Variants in COL27A1 observed in about 807,000 individuals in gnomAD.
COL27A1 encodes collagen alpha-1(XXVII) chain.
In COL27A1, 106 loss-of-function variants were observed where a neutral mutation model predicts 251.3. The ratio of observed to expected loss-of-function variants is 0.42; its 90% CI spans 0.36 to 0.50. The LOEUF (loss-of-function observed/expected upper bound fraction) is 0.50. Among genes scored for constraint, COL27A1 ranks in the 20% least tolerant of loss-of-function variants. The pLI is 0.00. For missense variants in COL27A1, 2,325 were observed against 2,522.8 expected (o/e 0.92, Z 1.68); for synonymous variants, 1,000 against 986.3 (o/e 1.01, Z -0.26).
intron 23 of COL27A1, among the ~76,000 whole-genome samples, chr9:114,244,644 C>G (rs1832988434): frequency 6.6e-6 from 1 of 152,206 alleles, no homozygotes; most frequent in Non-Finnish European, 1.5e-5. Context: ...CCTGGCCCCT[C>G]TAGTTTTCAT....
At chr9:114,202,260 G>A (rs1048769967) in intron 7 of COL27A1, among the ~76,000 whole-genome samples, 2 of 152,230 alleles carry the variant, frequency 1.3e-5, no homozygotes, top group Non-Finnish European at 2.9e-5. Context: ...TTTCAGCAGA[G>A]TTCTTGTGGC....
chr9:114,260,167 T>C (rs1171788704), intron 28 of COL27A1, among the ~76,000 whole-genome samples: 1 of 152,238 alleles, frequency 6.6e-6, no homozygotes, highest in East Asian at 1.9e-4. Context: ...TTCAACTCAC[T>C]GGGCTCCCTT....
chr9:114,217,942 C>T, intron 12 of COL27A1: 1 of 399,884 alleles, frequency 2.5e-6, no homozygotes, highest in South Asian at 1.8e-5. Flanking sequence ...GGAGAAACCC[C>T]ATCTTTACCA....
At chr9:114,271,001 C>T (rs1835100260) in intron 36 of COL27A1, 15 of 528,808 alleles carry the variant, frequency 2.8e-5, no homozygotes, top group Middle Eastern at 3.0e-4. Context: ...AGGGCCATCA[C>T]CACCTTCCAG....
In COL27A1 at chr9:114,168,879, C is replaced by G. The variant is rs1849097172; in HGVS notation, c.1324C>G (p.Pro442Ala). ...MPRPPPPSTR[P>A]LPPTTSSSKK... is the part of the protein sequence containing the mutation. Reference sequence around the variant, plus strand: ...CAGGCCCCCACCGCCCAGCACCCGGCCCCTACCTCCTACCACCAGCTCCTC... The same window carrying G: ...CAGGCCCCCACCGCCCAGCACCCGGGCCCTACCTCCTACCACCAGCTCCTC... The change falls in exon 3 of 61, where the codon CCC becomes GCC. Residue 442 changes from proline to alanine, a missense_variant. Pro to Ala is a conservative substitution (Grantham distance 27, BLOSUM62 -1). This residue lies in a region of COL27A1 where 1,183 missense variants were observed against 1,144.1 expected (regional missense o/e 1.03). Coordinates refer to ENST00000356083, the MANE Select transcript of COL27A1 (RefSeq NM_032888.4). 9.3e-6 allele frequency: 15 copies of G among 1,614,134 alleles called. No individual in the cohort carries two copies. The highest frequency in any genetic ancestry group is 1.3e-5 in the Non-Finnish European group (15 of 1,180,030).
chr9:114,196,977 C>G (rs934832073), intron 7 of COL27A1, among the ~76,000 whole-genome samples: 4 of 152,180 alleles, frequency 2.6e-5, no homozygotes, highest in Non-Finnish European at 5.9e-5. Flanking sequence ...TTTGAGCCAC[C>G]AGGCATGCCT....
chr9:114,181,716 G>A (rs1827936073), intron 4 of COL27A1, among the ~76,000 whole-genome samples: 1 of 152,222 alleles, frequency 6.6e-6, no homozygotes, highest in Non-Finnish European at 1.5e-5. Context: ...GGAGAAAGTG[G>A]ACATAACAGG....
At chr9:114,182,960 A>G in intron 4 of COL27A1, 62 bp from the exon 5 acceptor site, 1 of 1,423,752 alleles carries the variant, frequency 7.0e-7, no homozygotes, top group Non-Finnish European at 9.9e-7. Context: ...CATTGCTGTC[A>G]GAGGCGAGAT....
chr9:114,306,495 A>C (rs761126467), intron 57 of COL27A1, 25 bp from the exon 58 acceptor site: 3 of 1,612,676 alleles, frequency 1.9e-6, no homozygotes, highest in Non-Finnish European at 1.7e-6. Context: ...CTAAGGTCCC[A>C]ATGACCACCC....
At chr9:114,222,309 A>C (rs1379708037) in intron 14 of COL27A1, 42 bp downstream of exon 14, 1 of 1,584,892 alleles carries the variant, frequency 6.3e-7, no homozygotes. Context: ...GGTGTTGAGG[A>C]GACTCAGGGT....
chr9:114,214,507 G>A (rs1830586472), intron 12 of COL27A1, among the ~76,000 whole-genome samples: 1 of 152,238 alleles, frequency 6.6e-6, no homozygotes, highest in African/African-American at 2.4e-5. Flanking sequence ...GGAAGAGACA[G>A]TGGAGGTCAA....
At chr9:114,242,265 A>G (rs756045536) in intron 22 of COL27A1, 34 bp downstream of exon 22, 1 of 1,592,478 alleles carries the variant, frequency 6.3e-7, no homozygotes, top group Admixed American at 1.8e-5. Flanking sequence ...GGTGGCATTC[A>G]TGGGAGCTGA....
At chr9:114,236,153 C>T (rs943641997) in intron 17 of COL27A1, among the ~76,000 whole-genome samples, 2 of 152,158 alleles carry the variant, frequency 1.3e-5, no homozygotes, top group African/African-American at 4.8e-5. Flanking sequence ...AGCCTCTCCA[C>T]ACCACCCTGC....
At chr9:114,257,034 A>C (rs948947068) in intron 27 of COL27A1, among the ~76,000 whole-genome samples, 2 of 152,154 alleles carry the variant, frequency 1.3e-5, no homozygotes, top group Non-Finnish European at 2.9e-5. Context: ...CTACTGACGA[A>C]GGGTCAGCCT....
intron 49 of COL27A1, among the ~76,000 whole-genome samples, chr9:114,297,314 C>T (rs1049772929): frequency 8.5e-5 from 13 of 152,168 alleles, no homozygotes; most frequent in African/African-American, 2.7e-4. Flanking sequence ...TAGGACATCA[C>T]GCAACTGGTT....
At chr9:114,178,571 T>C (rs565845108) in intron 4 of COL27A1, among the ~76,000 whole-genome samples, 3 of 152,158 alleles carry the variant, frequency 2.0e-5, no homozygotes, top group Non-Finnish European at 1.5e-5. Flanking sequence ...CAGTTGTCCA[T>C]TGGGGATATC....
chr9:114,234,268 C>T (rs1355416044), intron 16 of COL27A1, among the ~76,000 whole-genome samples: 2 of 135,540 alleles, frequency 1.5e-5, no homozygotes, highest in African/African-American at 5.6e-5. Context: ...GGATGTTGTA[C>T]AGGATTTTCC....
intron 3 of COL27A1, among the ~76,000 whole-genome samples, chr9:114,171,045 A>G (rs1849283319): frequency 6.6e-6 from 1 of 152,164 alleles, no homozygotes. Context: ...CCCAGGGCAG[A>G]TTCTATAGTA....
Position 114,168,935 on chromosome 9 carries a change from T to A in COL27A1, c.1380T>A (p.Thr460=). ...AACCCATTCCCACACTAGCTCGGAC[T>A]GAGGCCAAGATAACCAGCCATGCCA... is the stretch of plus-strand genomic sequence containing the variant. The part of the protein sequence containing the change: ...SKKPIPTLAR[T]EAKITSHASK... Residue 460 remains threonine, a synonymous_variant, in exon 3 of 61, where the codon ACT becomes ACA. Coordinates refer to ENST00000356083, the MANE Select transcript of COL27A1 (RefSeq NM_032888.4). The A allele has an allele frequency of 1.2e-6, 2 of 1,614,078 alleles. No individual in the cohort carries two copies. Among genetic ancestry groups the A allele is most frequent in the Non-Finnish European group, 1.7e-6 (2 of 1,180,016 alleles).
Sources: gnomAD v4.1 joint callset for allele counts (sites outside exome capture counted in the v4.1 genomes callset) on GRCh38, gnomAD v4.1.1 for gene constraint, gnomAD v4.1.1 regional missense constraint, MANE v1.5 for transcripts, NCBI Gene and HGNC (gene_info 2026-07-23, HGNC 2026-07-21) for gene names.